Variants in PPP1R16B observed in about 807,000 individuals in gnomAD.
PPP1R16B encodes the protein protein phosphatase 1 regulatory subunit 16B.
PPP1R16B carries 14 observed loss-of-function variants against 61.7 expected under a neutral mutation model. The ratio of observed to expected loss-of-function variants is 0.23; its 90% confidence interval spans 0.15 to 0.35. The LOEUF is 0.35. Among genes scored for constraint, PPP1R16B ranks in the 10% least tolerant of loss-of-function variants. The probability of loss-of-function intolerance (pLI) is 1.00; values close to 1 mark genes in which losing one functional copy is unlikely to be tolerated. For synonymous variants in PPP1R16B, 266 were observed against 305.3 expected (o/e 0.87, Z 1.34); for missense variants, 547 against 752.5 (o/e 0.73, Z 3.19).
chr20:38,821,145 G>C (rs893990534), intron 1 of PPP1R16B, among the ~76,000 whole-genome samples: 1 of 152,086 alleles, frequency 6.6e-6, no homozygotes, highest in Non-Finnish European at 1.5e-5. Flanking sequence ...CCAATGCCAA[G>C]TTTGAGAACG....
At chr20:38,897,346 T>G (rs1215087592) in intron 4 of PPP1R16B, among the ~76,000 whole-genome samples, 1 of 152,172 alleles carries the variant, frequency 6.6e-6, no homozygotes, top group Non-Finnish European at 1.5e-5. Flanking sequence ...AGAAGTGGAT[T>G]CATACAGTAT....
chr20:38,852,768 T>TTTTGTGG (rs1601257219), intron 2 of PPP1R16B, among the ~76,000 whole-genome samples: 1 of 62,334 alleles, frequency 1.6e-5, no homozygotes, highest in Non-Finnish European at 3.0e-5. Context: ...TTTTTTTTTT[T>TTTTGTGG]GCGGGGGGTG....
chr20:38,885,064 A>G (rs1601288353), intron 2 of PPP1R16B, among the ~76,000 whole-genome samples: 1 of 145,044 alleles, frequency 6.9e-6, no homozygotes, highest in East Asian at 2.0e-4. Flanking sequence ...AAAAAAGAAG[A>G]AGAAGAAGAC....
At chr20:38,863,585 A>G (rs6071608) in intron 2 of PPP1R16B, among the ~76,000 whole-genome samples, 9,298 of 152,196 alleles carry the variant, frequency 0.061, 293 homozygotes, top group Non-Finnish European at 0.063. Flanking sequence ...CAGCTGTGTG[A>G]TCCTGGGCCA....
Position 38,852,792 on chromosome 20 carries a change from G to T in PPP1R16B, c.250+16617G>T, listed in dbSNP as rs1225010267. 1.4e-5 allele frequency among the ~76,000 whole-genome samples: 2 copies of T among 141,258 alleles called. 1 individual carries two copies. The highest frequency in any genetic ancestry group is 1.4e-4 in the Admixed American group (2 of 14,172). The allele number at this position is 141,258 out of a possible 152,430, so 92.7% of individuals were successfully genotyped here. A position where few individuals can be genotyped will look rare whatever the true frequency, so the allele number is the denominator to read the frequency against. On this transcript the variant is annotated intron_variant, in intron 2 of 10. Coordinates refer to ENST00000299824, the MANE Select transcript of PPP1R16B (RefSeq NM_015568.4). The stretch of plus-strand genomic sequence containing the variant: ...TTGCGGGGGGTGGGGGTAGCATGGG[G>T]GGATAAAGTCTTGCTCTGTTGCCCA...
chr20:38,862,092 C>T lies in PPP1R16B; in HGVS notation c.250+25917C>T, dbSNP rs984374612. 6.6e-5 allele frequency among the ~76,000 whole-genome samples: 10 copies of T among 152,284 alleles called. No homozygotes were observed. The South Asian group carries it at 1.2e-3, about 19-fold the overall frequency. Reference sequence around the variant, plus strand: ...AAGTCCAGCCCACAACTGTGTAGGGCCCCCCAGCCTTGTTGCCTCCCATGC... The same window carrying T: ...AAGTCCAGCCCACAACTGTGTAGGGTCCCCCAGCCTTGTTGCCTCCCATGC... On this transcript the variant is annotated intron_variant, in intron 2 of 10. Coordinates refer to ENST00000299824, the MANE Select transcript of PPP1R16B (RefSeq NM_015568.4).
chr20:38,877,485 T>C (rs1344981895), intron 2 of PPP1R16B, among the ~76,000 whole-genome samples: 2 of 152,058 alleles, frequency 1.3e-5, no homozygotes, highest in Non-Finnish European at 2.9e-5. Flanking sequence ...ATTTTTTTTG[T>C]ATTTTTAGTA....
At chr20:38,817,067 C>T (rs777808370) in intron 1 of PPP1R16B, among the ~76,000 whole-genome samples, 14 of 152,172 alleles carry the variant, frequency 9.2e-5, no homozygotes, top group Non-Finnish European at 2.1e-4. Context: ...TGCTGGGTGG[C>T]GCTATCATGG....
chr20:38,907,784 A>G lies in PPP1R16B; in HGVS notation c.899-22A>G, dbSNP rs748641689. The G allele has an allele frequency of 1.8e-5, 29 of 1,613,622 alleles. 1 individual carries two copies. In the East Asian group the frequency reaches 4.9e-4, roughly 27 times the overall value. ...ACAGGTCCTGGCCCCGTCCCCCACA[A>G]CAGACTCCTCTGCCCCTTCAGACCT... On this transcript the variant is annotated intron_variant, in intron 8 of 10. Transcript: ENST00000299824. This position sits in a 1 kb window ranked among gnomAD's most constrained non-coding sequence, Gnocchi z 4.5.
chr20:38,871,744 A>T (rs1268335768), intron 2 of PPP1R16B, among the ~76,000 whole-genome samples: 1 of 152,026 alleles, frequency 6.6e-6, no homozygotes, highest in Non-Finnish European at 1.5e-5. Flanking sequence ...ATGGGCAGAG[A>T]TACCCTCACA....
Position 38,846,710 on chromosome 20 carries a change from A to T in PPP1R16B, c.250+10535A>T, listed in dbSNP as rs1451690843. On this transcript the variant is annotated intron_variant, in intron 2 of 10. Coordinates refer to ENST00000299824, the MANE Select transcript of PPP1R16B (RefSeq NM_015568.4). ...GCCGTGGTGAATATCAATGTATAAA[A>T]GTATTTGGTTGGCCGGGCGCTGTGG... Among the ~76,000 whole-genome samples, 4 of 152,318 alleles carry T rather than the reference A, an allele frequency of 2.6e-5. No homozygotes were observed. In the East Asian group the frequency reaches 7.7e-4, roughly 29 times the overall value.
intron 2 of PPP1R16B, among the ~76,000 whole-genome samples, chr20:38,871,260 C>T (rs1244543582): frequency 6.6e-6 from 1 of 152,106 alleles, no homozygotes; most frequent in Non-Finnish European, 1.5e-5. Context: ...AGAAAACTGA[C>T]CCCAGCCCCA....
At chr20:38,902,551 C>A in intron 5 of PPP1R16B, 117 bp from the exon 6 acceptor site, 1 of 1,402,816 alleles carries the variant, frequency 7.1e-7, no homozygotes, top group Non-Finnish European at 9.9e-7. Flanking sequence ...TGTCTGCATG[C>A]CCGCTTGACT....
chr20:38,853,913 TGCCTGC>T (rs1007899942), intron 2 of PPP1R16B, among the ~76,000 whole-genome samples: 8 of 152,314 alleles, frequency 5.3e-5, no homozygotes, highest in African/African-American at 9.6e-5. Context: ...ATCCAGCCTT[TGCCTGC>T]ATCGCGCTTG....
At chr20:38,823,790 G>A (rs1330992276) in intron 1 of PPP1R16B, among the ~76,000 whole-genome samples, 1 of 152,174 alleles carries the variant, frequency 6.6e-6, no homozygotes, top group Non-Finnish European at 1.5e-5. Context: ...CTCCAAAAGT[G>A]ATGACAGCTC....
chr20:38,855,683 C>A (rs1374658090), intron 2 of PPP1R16B, among the ~76,000 whole-genome samples: 3 of 151,656 alleles, frequency 2.0e-5, no homozygotes, highest in African/African-American at 7.3e-5. Flanking sequence ...AGCCCCCTGC[C>A]TGAGCAGCAC....
chr20:38,899,075 C>T (rs903792269), intron 4 of PPP1R16B, among the ~76,000 whole-genome samples: 4 of 152,186 alleles, frequency 2.6e-5, no homozygotes, highest in African/African-American at 9.7e-5. Flanking sequence ...GGCAGGTAAC[C>T]TTTTGCACTG....
At chr20:38,870,111 A>G (rs1374216321) in intron 2 of PPP1R16B, among the ~76,000 whole-genome samples, 1 of 151,904 alleles carries the variant, frequency 6.6e-6, no homozygotes, top group Non-Finnish European at 1.5e-5. Flanking sequence ...TTTAGTAGAG[A>G]TGGGGTCTCA....
chr20:38,918,120 T>C lies in PPP1R16B; in HGVS notation c.1195-37T>C. The C allele has an allele frequency of 6.2e-7, 1 of 1,605,454 alleles. No individual in the cohort carries two copies. Among genetic ancestry groups the C allele is most frequent in the South Asian group, 1.1e-5 (1 of 90,410 alleles). On this transcript the variant is annotated intron_variant, in intron 10 of 10. Coordinates refer to ENST00000299824, the MANE Select transcript of PPP1R16B (RefSeq NM_015568.4). This position sits in a 1 kb window ranked among gnomAD's most constrained non-coding sequence, Gnocchi z 5.3. ...ACAGGTGGATAGTAGGTTCAGATCT[T>C]CCAGCCAGCTGGTAATGTTGTCCTT...
Sources: gnomAD v4.1 joint callset for allele counts (sites outside exome capture counted in the v4.1 genomes callset) on GRCh38, gnomAD v4.1.1 for gene constraint, Gnocchi (gnomAD v3.1) non-coding constraint, MANE v1.5 for transcripts, NCBI Gene and HGNC (gene_info 2026-07-23, HGNC 2026-07-21) for gene names.